Variants in SPAG16 observed in about 807,000 individuals in gnomAD.
SPAG16 encodes the protein sperm-associated antigen 16 protein.
SPAG16 carries 86 observed loss-of-function variants against 80.4 expected under a neutral mutation model. The ratio of observed to expected loss-of-function variants is 1.07; its 90% CI spans 0.90 to 1.28. The LOEUF is 1.28. Among genes scored for constraint, SPAG16 ranks in the 50% most tolerant of loss-of-function variants. The probability of loss-of-function intolerance (pLI) is 0.00; values close to 1 mark genes in which losing one functional copy is unlikely to be tolerated. For synonymous variants in SPAG16, 294 were observed against 265.9 expected, an observed-to-expected ratio of 1.11 and a Z score of -1.03; for missense variants, 870 against 765.3, an observed-to-expected ratio of 1.14 and a Z score of -1.61.
At chr2:214,035,069 C>A (rs562620228) in intron 13 of SPAG16, among the ~76,000 whole-genome samples, 1 of 152,118 alleles carries the variant, frequency 6.6e-6, no homozygotes, top group Non-Finnish European at 1.5e-5. Context: ...GATAGCTACT[C>A]TCCACAGCTA....
At chr2:214,035,342 C>A (rs1261024285) in intron 13 of SPAG16, among the ~76,000 whole-genome samples, 2 of 152,192 alleles carry the variant, frequency 1.3e-5, no homozygotes, top group African/African-American at 2.4e-5. Context: ...TCACCAGGGA[C>A]CTGCCCCTTA....
intron 11 of SPAG16, among the ~76,000 whole-genome samples, chr2:213,885,959 A>G (rs554942674): frequency 6.6e-6 from 1 of 152,332 alleles, no homozygotes; most frequent in Admixed American, 6.5e-5. Flanking sequence ...ACCAAAATAT[A>G]CAGGAGAAAC....
chr2:214,338,837 A>G (rs1248058985), intron 15 of SPAG16, among the ~76,000 whole-genome samples: 3 of 152,238 alleles, frequency 2.0e-5, no homozygotes, highest in African/African-American at 7.2e-5. Flanking sequence ...TTGCCACTAC[A>G]GAATAGTTGC....
At position 213,387,473 on chromosome 2, in the gene SPAG16, C is replaced by T. The variant is rs375504919; in HGVS notation, c.942+12354C>T. On this transcript the variant is annotated intron_variant, in intron 9 of 15. Coordinates refer to ENST00000331683, the MANE Select transcript of SPAG16 (RefSeq NM_024532.5). ...TTTTTTTTTTTTTGAGACAGAGTCTCGCTCTGTCGCCCAGGCTGGAGTGCA... is the reference window on the plus strand; with the variant it reads ...TTTTTTTTTTTTTGAGACAGAGTCTTGCTCTGTCGCCCAGGCTGGAGTGCA... Among the ~76,000 whole-genome samples the T allele has an allele frequency of 8.0e-3, 37 of 4,608 alleles. 2 individuals are homozygous for T. The highest frequency in any genetic ancestry group is 0.013 in the African/African-American group (26 of 2,024). 3.0% of individuals were successfully genotyped at this position (4,608 alleles called of 152,430 possible). A position where few individuals can be genotyped will look rare whatever the true frequency, so the allele number is the denominator to read the frequency against.
intron 12 of SPAG16, among the ~76,000 whole-genome samples, chr2:213,990,852 T>C (rs1280227043): frequency 6.6e-6 from 1 of 152,072 alleles, no homozygotes; most frequent in Admixed American, 6.6e-5. Context: ...CATATGGAAT[T>C]TGTAAAACAG....
intron 10 of SPAG16, among the ~76,000 whole-genome samples, chr2:213,521,296 A>G (rs1057476389): frequency 4.6e-5 from 7 of 152,170 alleles, no homozygotes; most frequent in Non-Finnish European, 8.8e-5. Context: ...TGGACATATG[A>G]CAATTCAAAG....
chr2:214,118,015 C>CA (rs1476648610), intron 14 of SPAG16, among the ~76,000 whole-genome samples: 1 of 152,032 alleles, frequency 6.6e-6, no homozygotes, highest in Non-Finnish European at 1.5e-5. Context: ...AATTAGGCAG[C>CA]AAAAAGAAAT....
chr2:213,925,689 A>G (rs1052576707), intron 11 of SPAG16, among the ~76,000 whole-genome samples: 2 of 152,140 alleles, frequency 1.3e-5, no homozygotes, highest in African/African-American at 4.8e-5. Context: ...ATAATTCCAG[A>G]GTAACATTAT....
intron 9 of SPAG16, among the ~76,000 whole-genome samples, chr2:213,470,737 A>G (rs772658871): frequency 2.7e-4 from 41 of 152,192 alleles, no homozygotes; most frequent in Admixed American, 4.6e-4. Context: ...GGCTGGGGAA[A>G]GAGGCTGAGT....
chr2:213,423,914 G>A (rs1176572862), intron 9 of SPAG16, among the ~76,000 whole-genome samples: 2 of 152,092 alleles, frequency 1.3e-5, no homozygotes, highest in Admixed American at 1.3e-4. Context: ...GTGAAAACTA[G>A]TATTATCAGA....
chr2:213,675,027 C>T (rs965216525), intron 10 of SPAG16, among the ~76,000 whole-genome samples: 16 of 150,190 alleles, frequency 1.1e-4, no homozygotes, highest in African/African-American at 4.0e-4. Flanking sequence ...CCTATTTCTC[C>T]ACATCCTCTC....
intron 14 of SPAG16, among the ~76,000 whole-genome samples, chr2:214,133,904 G>A (rs1204605205): frequency 2.0e-5 from 3 of 152,142 alleles, no homozygotes; most frequent in Non-Finnish European, 4.4e-5. Flanking sequence ...GGCTCAAGTT[G>A]AGGAAAAGAT....
At chr2:214,059,131 C>G (rs2050096347) in intron 13 of SPAG16, among the ~76,000 whole-genome samples, 1 of 148,822 alleles carries the variant, frequency 6.7e-6, no homozygotes, top group Non-Finnish European at 1.5e-5. Flanking sequence ...GAGCCAAGAT[C>G]ATGCCACTGC....
intron 15 of SPAG16, among the ~76,000 whole-genome samples, chr2:214,183,692 T>A (rs891725353): frequency 3.9e-5 from 6 of 152,054 alleles, no homozygotes; most frequent in Non-Finnish European, 8.8e-5. Flanking sequence ...TCCTGTCTCA[T>A]TTTAGCTCAG....
intron 15 of SPAG16, among the ~76,000 whole-genome samples, chr2:214,173,685 A>T (rs1424123328): frequency 3.3e-5 from 5 of 151,968 alleles, no homozygotes; most frequent in African/African-American, 1.2e-4. Flanking sequence ...AAACTATTCC[A>T]ATCAATAGAA....
intron 14 of SPAG16, among the ~76,000 whole-genome samples, chr2:214,141,469 A>G (rs1486315689): frequency 6.6e-6 from 1 of 151,376 alleles, no homozygotes; most frequent in African/African-American, 2.4e-5. Flanking sequence ...TCGGCCTCAA[A>G]AAAAAAAAAA....
At chr2:213,501,221 C>T (rs992270840) in intron 10 of SPAG16, among the ~76,000 whole-genome samples, 2 of 152,132 alleles carry the variant, frequency 1.3e-5, no homozygotes, top group South Asian at 4.1e-4. Flanking sequence ...AGTTTTATAA[C>T]TTTCATTTTG....
chr2:213,459,037 G>A (rs1317419920), intron 9 of SPAG16, among the ~76,000 whole-genome samples: 4 of 152,048 alleles, frequency 2.6e-5, no homozygotes, highest in Admixed American at 2.0e-4. Flanking sequence ...TCCAACCTGG[G>A]AGTCCAATTT....
At chr2:213,620,407 C>T (rs1247144723) in intron 10 of SPAG16, among the ~76,000 whole-genome samples, 1 of 149,764 alleles carries the variant, frequency 6.7e-6, no homozygotes, top group African/African-American at 2.5e-5. Context: ...ATTCTCCTGC[C>T]TCAGACTCCT....
Sources: allele counts gnomAD v4.1 joint callset (sites outside exome capture counted in the v4.1 genomes callset), GRCh38; gene constraint gnomAD v4.1.1; transcripts MANE v1.5; gene names NCBI Gene and HGNC (gene_info 2026-07-23, HGNC 2026-07-21).